VPS13B: variants seen among roughly 807,000 people sequenced by gnomAD.
The protein encoded by VPS13B is vacuolar protein sorting 13 homolog B, also known as intermembrane lipid transfer protein VPS13B.
In VPS13B, 285 loss-of-function variants were observed where a neutral mutation model predicts 426.4. That is an observed-to-expected ratio of 0.67 (90% CI 0.61 to 0.74). The LOEUF (loss-of-function observed/expected upper bound fraction) is 0.74, where lower values mean the gene tolerates loss of function less well. VPS13B is among the 30% of genes least tolerant of loss of function. VPS13B has a pLI of 0.00. For missense variants in VPS13B, 4,537 were observed against 4,782.6 expected, an observed-to-expected ratio of 0.95 and a Z score of 1.51; for synonymous variants, 1,676 against 1,676.4, an observed-to-expected ratio of 1.00 and a Z score of 0.01.
At chr8:99,196,815 T>G (rs1813964180) in intron 17 of VPS13B, among the ~76,000 whole-genome samples, 1 of 152,178 alleles carries the variant, frequency 6.6e-6, no homozygotes, top group South Asian at 2.1e-4. Context: ...ACAATGCCTT[T>G]TCTTTCTTCC....
rs1020075560 is a variant in VPS13B, at chr8:99,111,198, T to G, written c.681T>G (p.Pro227=). 6.2e-7 allele frequency: 1 copy of G among 1,602,762 alleles called. No individual in the cohort carries two copies. Among genetic ancestry groups the G allele is most frequent in the African/African-American group, 1.3e-5 (1 of 74,640 alleles). The change falls in exon 6 of 62, where the codon CCT becomes CCG. Residue 227 remains proline, a synonymous_variant. Coordinates refer to ENST00000357162, the MANE Select transcript of VPS13B (RefSeq NM_152564.5). ...GTAAAATAGAATTTTACCAGGATCC[T>G]TTATTATACAAATGTTCCTTCAGAA... ...ASGKIEFYQD[P]LLYKCSFRTR... is the part of the protein sequence containing the mutation.
intron 24 of VPS13B, among the ~76,000 whole-genome samples, chr8:99,471,842 T>G (rs1228971594): frequency 3.3e-5 from 5 of 152,160 alleles, no homozygotes; most frequent in Admixed American, 1.3e-4. Flanking sequence ...GTATTTACTC[T>G]CTGGCCCTTC....
chr8:99,063,140 T>A (rs1777435607), intron 3 of VPS13B, among the ~76,000 whole-genome samples: 1 of 152,166 alleles, frequency 6.6e-6, no homozygotes, highest in Non-Finnish European at 1.5e-5. Context: ...AGTCTGCAGC[T>A]CCCAGCGTGA....
At chr8:99,149,660 A>G (rs1178375776) in intron 14 of VPS13B, among the ~76,000 whole-genome samples, 3 of 149,564 alleles carry the variant, frequency 2.0e-5, no homozygotes, top group Non-Finnish European at 3.0e-5. Flanking sequence ...TTTGATGTTC[A>G]TATAATGATC....
chr8:99,049,050 T>C (rs1251672634), intron 3 of VPS13B, among the ~76,000 whole-genome samples: 1 of 152,160 alleles, frequency 6.6e-6, no homozygotes, highest in Admixed American at 6.6e-5. Flanking sequence ...TTTATGTGAG[T>C]CCTTATGTGG....
At chr8:99,650,565 A>G (rs1026573903) in intron 34 of VPS13B, among the ~76,000 whole-genome samples, 1 of 152,312 alleles carries the variant, frequency 6.6e-6, no homozygotes, top group South Asian at 2.1e-4. Flanking sequence ...ACTGACCCTT[A>G]TATGTACTGT....
chr8:99,491,923 T>G (rs1820626365), intron 25 of VPS13B, among the ~76,000 whole-genome samples: 1 of 152,178 alleles, frequency 6.6e-6, no homozygotes, highest in Non-Finnish European at 1.5e-5. Context: ...GGACCTGCAA[T>G]TCTTGGAGGA....
chr8:99,617,211 A>G (rs1041073792), intron 33 of VPS13B, among the ~76,000 whole-genome samples: 2 of 152,230 alleles, frequency 1.3e-5, no homozygotes, highest in African/African-American at 4.8e-5. Flanking sequence ...TCTCACATAG[A>G]TGATCTATTT....
intron 3 of VPS13B, among the ~76,000 whole-genome samples, chr8:99,060,002 C>T: frequency 6.6e-6 from 1 of 152,068 alleles, no homozygotes; most frequent in South Asian, 2.1e-4. Flanking sequence ...TCCCAAAGTG[C>T]TGGGATTATA....
At chr8:99,186,439 G>A (rs1813225708) in intron 16 of VPS13B, among the ~76,000 whole-genome samples, 1 of 151,946 alleles carries the variant, frequency 6.6e-6, no homozygotes, top group Non-Finnish European at 1.5e-5. Flanking sequence ...GGTGAATATG[G>A]TATAATGTTA....
intron 36 of VPS13B, among the ~76,000 whole-genome samples, chr8:99,711,307 T>C (rs550909934): frequency 6.6e-6 from 1 of 152,300 alleles, no homozygotes; most frequent in East Asian, 1.9e-4. Flanking sequence ...CTTGTAGGTA[T>C]ATGGCAAGAA....
chr8:99,206,770 C>G (rs1457191791), intron 17 of VPS13B, among the ~76,000 whole-genome samples: 2 of 152,110 alleles, frequency 1.3e-5, no homozygotes, highest in African/African-American at 4.8e-5. Flanking sequence ...TTGAATAGTT[C>G]TTTAATCACT....
intron 16 of VPS13B, among the ~76,000 whole-genome samples, chr8:99,189,576 T>C (rs916000990): frequency 2.0e-5 from 3 of 152,148 alleles, no homozygotes; most frequent in Non-Finnish European, 4.4e-5. Flanking sequence ...ATTTCTTTTC[T>C]ATTTGTTTTC....
intron 17 of VPS13B, among the ~76,000 whole-genome samples, chr8:99,210,199 T>G (rs1325313701): frequency 6.6e-6 from 1 of 152,332 alleles, no homozygotes; most frequent in East Asian, 1.9e-4. Context: ...TATTTACTTC[T>G]ACCTGTATTA....
chr8:99,297,282 A>G (rs1346639713), intron 19 of VPS13B, among the ~76,000 whole-genome samples: 2 of 152,114 alleles, frequency 1.3e-5, no homozygotes, highest in Non-Finnish European at 2.9e-5. Flanking sequence ...TGAGATGCGC[A>G]TAGGAGCTCT....
chr8:99,875,890 C>T lies in VPS13B; in HGVS notation c.*224C>T. The T allele has an allele frequency of 1.7e-6, 1 of 583,878 alleles. No homozygotes were observed. 36.2% of individuals were successfully genotyped at this position (583,878 alleles called of 1,614,324 possible). ...TTTTAAAAAGCCTAGGCAGCTCTAA[C>T]ATCATCTGATATGGACACAAGGCCA... On this transcript the variant is annotated 3_prime_UTR_variant, in exon 62 of 62. Coordinates refer to ENST00000357162, the MANE Select transcript of VPS13B (RefSeq NM_152564.5).
intron 39 of VPS13B, among the ~76,000 whole-genome samples, chr8:99,761,828 T>C (rs1013946489): frequency 6.6e-6 from 1 of 152,174 alleles, no homozygotes; most frequent in African/African-American, 2.4e-5. Context: ...CTTTAATTTT[T>C]TATTTTTAGT....
intron 32 of VPS13B, 114 bp downstream of exon 32, chr8:99,575,898 T>C: frequency 9.9e-7 from 1 of 1,007,814 alleles, no homozygotes; most frequent in Admixed American, 2.1e-5. Flanking sequence ...TCATTAATAA[T>C]AATGGCTACT....
intron 20 of VPS13B, among the ~76,000 whole-genome samples, chr8:99,388,051 T>G (rs1814225009): frequency 6.6e-6 from 1 of 152,204 alleles, no homozygotes; most frequent in Admixed American, 6.5e-5. Flanking sequence ...ATATAACATT[T>G]ATTAAAAATT....
Sources: allele counts gnomAD v4.1 joint callset (sites outside exome capture counted in the v4.1 genomes callset), GRCh38; gene constraint gnomAD v4.1.1; transcripts MANE v1.5; gene names NCBI Gene and HGNC (gene_info 2026-07-23, HGNC 2026-07-21).